The following MAP2K5 variants were observed in gnomAD, a reference collection of about 807,000 sequenced individuals.
MAP2K5 encodes mitogen-activated protein kinase kinase 5, also known as dual specificity mitogen-activated protein kinase kinase 5.
A neutral mutation model predicts 83.1 loss-of-function variants in MAP2K5; 49 were observed. The ratio of observed to expected loss-of-function variants is 0.59; its 90% confidence interval spans 0.47 to 0.75. The LOEUF is 0.75. MAP2K5 is among the 30% of genes least tolerant of loss of function. The probability of loss-of-function intolerance (pLI) is 0.00; values close to 1 mark genes in which losing one functional copy is unlikely to be tolerated. For synonymous variants in MAP2K5, 202 were observed against 191.8 expected, an observed-to-expected ratio of 1.05 and a Z score of -0.44; for missense variants, 457 against 557.5, an observed-to-expected ratio of 0.82 and a Z score of 1.82.
intron 13 of MAP2K5, 92 bp from the exon 14 acceptor site, chr15:67,692,387 G>C (rs2088135678): frequency 1.3e-6 from 1 of 771,444 alleles, no homozygotes; most frequent in Non-Finnish European, 2.2e-6. Context: ...TGTCATTTCT[G>C]CAACTTGGTG....
chr15:67,612,832 G>C (rs1432202176), intron 8 of MAP2K5, among the ~76,000 whole-genome samples: 3 of 152,168 alleles, frequency 2.0e-5, no homozygotes, highest in Non-Finnish European at 2.9e-5. Flanking sequence ...CATTTACATG[G>C]TGTAATTTCC....
rs1316179886 is a variant in MAP2K5, at chr15:67,725,532, A to G, written c.1045-2384A>G. Among the ~76,000 whole-genome samples the G allele has an allele frequency of 3.3e-5, 5 of 152,232 alleles. No homozygotes were observed. The East Asian group carries it at 9.6e-4, about 29-fold the overall frequency. On this transcript the variant is annotated intron_variant, in intron 16 of 21. Coordinates refer to ENST00000178640, the MANE Select transcript of MAP2K5 (RefSeq NM_145160.3). Reference sequence around the variant, plus strand: ...TTTCCTCTGTCTTTAAGCCATGTGAACAGAATTATTCCATGGTCCCTGATG... The same window carrying G: ...TTTCCTCTGTCTTTAAGCCATGTGAGCAGAATTATTCCATGGTCCCTGATG...
At chr15:67,631,838 A>G (rs2141090509) in intron 9 of MAP2K5, among the ~76,000 whole-genome samples, 1 of 152,222 alleles carries the variant, frequency 6.6e-6, no homozygotes, top group Non-Finnish European at 1.5e-5. Flanking sequence ...CCCTTTGCTA[A>G]TTAAGTCCTA....
chr15:67,554,007 A>G (rs1175105285), intron 2 of MAP2K5, among the ~76,000 whole-genome samples: 3 of 152,108 alleles, frequency 2.0e-5, no homozygotes, highest in Non-Finnish European at 4.4e-5. Context: ...TATGGGTATA[A>G]TGGAACAACC....
At chr15:67,632,404 T>C (rs1299823243) in intron 9 of MAP2K5, among the ~76,000 whole-genome samples, 4 of 152,178 alleles carry the variant, frequency 2.6e-5, no homozygotes, top group Admixed American at 1.3e-4. Flanking sequence ...CCAGCTATGC[T>C]AGATGTTTTA....
chr15:67,691,007 A>G (rs1439596914), intron 13 of MAP2K5, among the ~76,000 whole-genome samples: 1 of 152,240 alleles, frequency 6.6e-6, no homozygotes, highest in East Asian at 1.9e-4. Flanking sequence ...TGTGCATACC[A>G]ACTTGAATTC....
At position 67,794,599 on chromosome 15, in the gene MAP2K5, A is replaced by G. The variant is rs2090572582; in HGVS notation, c.1243-12047A>G. Among the ~76,000 whole-genome samples, 1 of 146,532 alleles carries G rather than the reference A, an allele frequency of 6.8e-6. No individual in the cohort carries two copies. Among genetic ancestry groups the G allele is most frequent in the Admixed American group, 7.0e-5 (1 of 14,292 alleles). On this transcript the variant is annotated intron_variant, in intron 21 of 21. Coordinates refer to ENST00000178640, the MANE Select transcript of MAP2K5 (RefSeq NM_145160.3). The surrounding 1 kb of genome is among the most constrained non-coding windows in gnomAD (Gnocchi z 4.6). The stretch of plus-strand genomic sequence containing the variant: ...CTGCACTCCTGACCCTCAGCAGCCC[A>G]TTCCACTGAGGGTCGGGTAACTCTG...
chr15:67,768,767 A>G lies in MAP2K5; in HGVS notation c.1135-835A>G, dbSNP rs1193533791. 6.6e-6 allele frequency among the ~76,000 whole-genome samples: 1 copy of G among 152,242 alleles called. No homozygotes were observed. The highest frequency in any genetic ancestry group is 1.5e-5 in the Non-Finnish European group (1 of 68,048). On this transcript the variant is annotated intron_variant, in intron 19 of 21. Coordinates refer to ENST00000178640, the MANE Select transcript of MAP2K5 (RefSeq NM_145160.3). The surrounding 1 kb of genome is among the most constrained non-coding windows in gnomAD (Gnocchi z 4.0). ...TGAGATGACTGTTAAAGTACTCTGC[A>G]GTGTAATTTTATTACATCCTGAGCT... is the stretch of plus-strand genomic sequence containing the variant.
At chr15:67,761,943 T>C (rs918730532) in intron 19 of MAP2K5, among the ~76,000 whole-genome samples, 7 of 152,188 alleles carry the variant, frequency 4.6e-5, no homozygotes, top group Non-Finnish European at 1.0e-4. Context: ...GGACTTTTCC[T>C]GAGGAAAAAA....
At chr15:67,592,050 G>C (rs2085424090) in intron 6 of MAP2K5, among the ~76,000 whole-genome samples, 1 of 148,830 alleles carries the variant, frequency 6.7e-6, no homozygotes, top group South Asian at 2.1e-4. Context: ...GGTGGAGGTT[G>C]TGGTGAGCCG....
chr15:67,583,379 A>G (rs2085223549), intron 4 of MAP2K5, among the ~76,000 whole-genome samples: 1 of 152,222 alleles, frequency 6.6e-6, no homozygotes, highest in Non-Finnish European at 1.5e-5. Context: ...TAGTCTTAGC[A>G]TAAAACCCAC....
intron 3 of MAP2K5, among the ~76,000 whole-genome samples, chr15:67,564,943 GATA>G (rs2084808440): frequency 1.3e-5 from 2 of 152,174 alleles, no homozygotes; most frequent in South Asian, 2.1e-4. Flanking sequence ...TGGTCACAGT[GATA>G]ATGATGATTT....
intron 19 of MAP2K5, among the ~76,000 whole-genome samples, chr15:67,767,011 G>A (rs573055912): frequency 4.8e-4 from 73 of 152,268 alleles, no homozygotes; most frequent in African/African-American, 1.7e-3. Flanking sequence ...TTTAATGAGT[G>A]ATTCTTTCCA....
chr15:67,641,548 A>G (rs756658224), intron 9 of MAP2K5: 24 of 997,838 alleles, frequency 2.4e-5, no homozygotes, highest in Non-Finnish European at 2.8e-5. Flanking sequence ...ACTAATTTAA[A>G]TTGAGCACAG....
At chr15:67,633,237 G>A (rs2086515707) in intron 9 of MAP2K5, among the ~76,000 whole-genome samples, 1 of 152,118 alleles carries the variant, frequency 6.6e-6, no homozygotes, top group East Asian at 1.9e-4. Context: ...ACTAAAACTT[G>A]AGCACTATTT....
At position 67,637,958 on chromosome 15, in the gene MAP2K5, C is replaced by T. The variant is rs963648131; in HGVS notation, c.585+7031C>T. Among the ~76,000 whole-genome samples, 4 of 149,578 alleles carry T rather than the reference C, an allele frequency of 2.7e-5. No individual in the cohort carries two copies. The highest frequency in any genetic ancestry group is 9.8e-5 in the African/African-American group (4 of 40,748). On this transcript the variant is annotated intron_variant, in intron 9 of 21. Coordinates refer to ENST00000178640, the MANE Select transcript of MAP2K5 (RefSeq NM_145160.3). The surrounding 1 kb of genome is among the most constrained non-coding windows in gnomAD (Gnocchi z 4.5). ...TGTGTGTTTTAGTACCTCTTCCTTT[C>T]TTTTTTTTAATTTAACTTTTAACTT... is the stretch of plus-strand genomic sequence containing the variant.
chr15:67,710,223 T>G (rs966946882), intron 16 of MAP2K5, among the ~76,000 whole-genome samples: 2 of 152,220 alleles, frequency 1.3e-5, no homozygotes, highest in African/African-American at 2.4e-5. Flanking sequence ...GGATCTTCAT[T>G]CTTTCTGCCT....
chr15:67,696,036 G>A (rs764925167), intron 15 of MAP2K5, among the ~76,000 whole-genome samples: 2 of 152,018 alleles, frequency 1.3e-5, no homozygotes, highest in Non-Finnish European at 2.9e-5. Context: ...GTTGGGGGTG[G>A]GGGGAGGTGG....
At chr15:67,743,272 C>T (rs1425297662) in intron 17 of MAP2K5, among the ~76,000 whole-genome samples, 1 of 152,180 alleles carries the variant, frequency 6.6e-6, no homozygotes, top group African/African-American at 2.4e-5. Context: ...CTTCTTATAA[C>T]CTACTGAGTA....
Sources: allele counts gnomAD v4.1 joint callset (sites outside exome capture counted in the v4.1 genomes callset), GRCh38; gene constraint gnomAD v4.1.1; non-coding constraint Gnocchi (gnomAD v3.1); transcripts MANE v1.5; gene names NCBI Gene and HGNC (gene_info 2026-07-23, HGNC 2026-07-21).